CCP110: variants seen among roughly 807,000 people sequenced by gnomAD.
CCP110 encodes centriolar coiled-coil protein 110, also known as centriolar coiled-coil protein of 110 kDa.
CCP110 carries 43 observed loss-of-function variants against 105.5 expected under a neutral mutation model. The ratio of observed to expected loss-of-function variants is 0.41; its 90% CI spans 0.32 to 0.53. The LOEUF is 0.53. Ranked by LOEUF, CCP110 falls within the 20% of genes least tolerant of loss-of-function variation. The pLI is 0.32. For synonymous variants in CCP110, 353 were observed against 392.1 expected (o/e 0.90, Z 1.18); for missense variants, 1,016 against 1,189.1 (o/e 0.85, Z 2.14).
At chr16:19,550,925 T>C (rs1335734000) in intron 14 of CCP110, among the ~76,000 whole-genome samples, 2 of 152,172 alleles carry the variant, frequency 1.3e-5, no homozygotes, top group Non-Finnish European at 2.9e-5. Flanking sequence ...TCATGCAAAA[T>C]GGTTAAGTAA....
At chr16:19,540,598 A>G (rs1970242104) in intron 4 of CCP110, 59 bp from the exon 5 acceptor site, 1 of 1,395,734 alleles carries the variant, frequency 7.2e-7, no homozygotes, top group Non-Finnish European at 1.0e-6. Flanking sequence ...TTGATGGTAT[A>G]AAATATCAGA....
chr16:19,536,064 A>G lies in CCP110; in HGVS notation c.395A>G (p.Glu132Gly), dbSNP rs767342328. ...CCAAATAGCTTTCCAAGCCATACGG[A>G]ACACTCTACTGCAGCAAAGCTTGAT... The change falls in exon 4 of 15, where the codon GAA (glutamate) becomes GGA (glycine). Residue 132 changes from glutamate to glycine, a missense_variant. Transcript: ENST00000381396. The G allele has an allele frequency of 1.9e-6, 3 of 1,613,996 alleles. No homozygotes were observed. The South Asian group carries it at 3.3e-5, about 18-fold the overall frequency.
rs986141947 is a variant in CCP110 at position 19,546,305 on chromosome 16, A to C, written c.2778-107A>C. 3 of 676,470 alleles carry C rather than the reference A, an allele frequency of 4.4e-6. No homozygotes were observed. The African/African-American group carries it at 5.4e-5, about 12-fold the overall frequency. 41.9% of individuals were successfully genotyped at this position (676,470 alleles called of 1,614,324 possible). A position where few individuals can be genotyped will look rare whatever the true frequency, so the allele number is the denominator to read the frequency against. ...CTTAGTACAGGTCTTCCAGTAGTAC[A>C]CCAGCTTCTAAATGATGATTTGTTT... On this transcript the variant is annotated intron_variant, in intron 11 of 14. Coordinates refer to ENST00000381396, the Ensembl canonical transcript of CCP110.
At chr16:19,527,769 G>A (rs918181097) in intron 1 of CCP110, 98 bp from the exon 2 acceptor site, 1 of 880,580 alleles carries the variant, frequency 1.1e-6, no homozygotes, top group Non-Finnish European at 1.6e-6. Context: ...TATAGGAATT[G>A]TGAATTATAG....
At chr16:19,546,371 T>G (rs780875217) in intron 11 of CCP110, 41 bp from the exon 12 acceptor site, 1 of 1,152,548 alleles carries the variant, frequency 8.7e-7, no homozygotes, top group East Asian at 2.3e-5. Flanking sequence ...TTTTCTTCCC[T>G]TCTCTAAATA....
Position 19,545,296 on chromosome 16 carries a change from CCTT to C in CCP110, c.2703+92_2703+94del, listed in dbSNP as rs376322084. 71 of 619,894 alleles carry C rather than the reference CCTT, an allele frequency of 1.1e-4. No homozygotes were observed. The African/African-American group carries it at 1.2e-3, about 11-fold the overall frequency. 38.4% of individuals were successfully genotyped at this position (619,894 alleles called of 1,614,324 possible). A position where few individuals can be genotyped will look rare whatever the true frequency, so the allele number is the denominator to read the frequency against. On this transcript the variant is annotated intron_variant, in intron 10 of 14. Transcript: ENST00000381396. ...TGTCAGTTTTGGTTGACTTCAGCACCCTTCTTCTGATAATTCTTAAGCACAAGT... is the reference window on the plus strand; with the variant it reads ...TGTCAGTTTTGGTTGACTTCAGCACCCTTCTGATAATTCTTAAGCACAAGT...
At chr16:19,528,224 G>GA (rs1257189331) in intron 2 of CCP110, among the ~76,000 whole-genome samples, 2 of 152,200 alleles carry the variant, frequency 1.3e-5, no homozygotes, top group Non-Finnish European at 2.9e-5. Context: ...AGATTGTGGA[G>GA]AAAATGCACT....
intron 1 of CCP110, chr16:19,525,142 C>T (rs1485111194): frequency 6.6e-6 from 1 of 151,228 alleles, no homozygotes; most frequent in Non-Finnish European, 1.5e-5. Context: ...GGCAAAGAAA[C>T]ACTAGGTTCT....
chr16:19,546,072 G>C, intron 11 of CCP110, 182 bp downstream of exon 11: 1 of 551,856 alleles, frequency 1.8e-6, no homozygotes, highest in South Asian at 2.6e-5. Context: ...TTTCATCTTA[G>C]ATGAATTTAT....
At chr16:19,527,802 A>G (rs1488934191) in intron 1 of CCP110, 65 bp from the exon 2 acceptor site, 1 of 1,373,064 alleles carries the variant, frequency 7.3e-7, no homozygotes, top group Non-Finnish European at 1.0e-6. Flanking sequence ...GCTCTACAAA[A>G]TCTGCCAAAT....
intron 2 of CCP110, among the ~76,000 whole-genome samples, chr16:19,529,000 CT>C (rs1394471727): frequency 1.5e-4 from 23 of 152,316 alleles, no homozygotes; most frequent in Non-Finnish European, 7.3e-5. Context: ...CAAATCATTG[CT>C]TTGCTACTTA....
exon 15 of CCP110, chr16:19,551,447 G>A: frequency 1.7e-6 from 1 of 603,938 alleles, no homozygotes; most frequent in Admixed American, 3.1e-5. Flanking sequence ...ATACGTTTGG[G>A]TGAAGACAAA....
exon 4 of CCP110, chr16:19,536,280 C>G: frequency 1.7e-5 from 28 of 1,613,482 alleles, no homozygotes; most frequent in Non-Finnish European, 2.4e-5. Flanking sequence ...TCTGATGGTC[C>G]CTTCTCAGTA....
chr16:19,548,605 G>A lies in CCP110; in HGVS notation c.2986+5G>A. On this transcript the variant is annotated splice_donor_5th_base_variant and intron_variant, in intron 14 of 14. Coordinates refer to ENST00000381396, the Ensembl canonical transcript of CCP110. This position sits in a 1 kb window ranked among gnomAD's most constrained non-coding sequence, Gnocchi z 4.1. The stretch of plus-strand genomic sequence containing the variant: ...CTAACAGAGTGCCTGTTTCAGGTTT[G>A]TAGAAAATAAATTCCTGAAGCCCAT... The A allele has an allele frequency of 6.5e-7, 1 of 1,537,744 alleles. No homozygotes were observed. Among genetic ancestry groups the A allele is most frequent in the Non-Finnish European group, 8.8e-7 (1 of 1,137,098 alleles).
chr16:19,535,236 T>G (rs1239005500), intron 3 of CCP110, among the ~76,000 whole-genome samples: 1 of 152,160 alleles, frequency 6.6e-6, no homozygotes, highest in Non-Finnish European at 1.5e-5. Context: ...TTTTGCCAGT[T>G]TAATATACGG....
intron 4 of CCP110, among the ~76,000 whole-genome samples, chr16:19,540,151 T>C (rs1970226885): frequency 6.6e-6 from 1 of 152,238 alleles, no homozygotes; most frequent in Non-Finnish European, 1.5e-5. Flanking sequence ...ATTGTCATAA[T>C]GTTTTCTCTT....
intron 8 of CCP110, among the ~76,000 whole-genome samples, chr16:19,544,224 G>A (rs985481713): frequency 6.6e-6 from 1 of 152,092 alleles, no homozygotes; most frequent in African/African-American, 2.4e-5. Context: ...TGAAATATTG[G>A]GGGCTGGTCC....
chr16:19,546,353 T>G, intron 11 of CCP110, 59 bp from the exon 12 acceptor site: 1 of 969,766 alleles, frequency 1.0e-6, no homozygotes, highest in Non-Finnish European at 1.6e-6. Flanking sequence ...ATTACATTTG[T>G]AAGCATGTTT....
exon 4 of CCP110, chr16:19,537,316 C>T: frequency 6.2e-7 from 1 of 1,614,164 alleles, no homozygotes; most frequent in Non-Finnish European, 8.5e-7. Context: ...ATGTAAAAAA[C>T]CCTTCTCCTT....
Sources: gnomAD v4.1 joint callset for allele counts (sites outside exome capture counted in the v4.1 genomes callset) on GRCh38, gnomAD v4.1.1 for gene constraint, Gnocchi (gnomAD v3.1) non-coding constraint, MANE v1.5 for transcripts, NCBI Gene and HGNC (gene_info 2026-07-23, HGNC 2026-07-21) for gene names.